The following OC90 variants were observed in gnomAD, a reference collection of about 807,000 sequenced individuals.
The protein encoded by OC90 is otoconin-90.
In OC90, 46 loss-of-function variants were observed where a neutral mutation model predicts 47.3. The observed-to-expected ratio is 0.97, with a 90% confidence interval of 0.77 to 1.24. OC90 has a LOEUF of 1.24. Among genes scored for constraint, OC90 ranks in the 50% most tolerant of loss-of-function variants. The pLI is 0.00. For missense variants in OC90, 688 were observed against 583.9 expected, an observed-to-expected ratio of 1.18 and a Z score of -1.84; for synonymous variants, 271 against 219.5, an observed-to-expected ratio of 1.23 and a Z score of -2.07.
Position 132,026,527 on chromosome 8 carries a change from C to T in OC90, c.1139-1751G>A, listed in dbSNP as rs117205371. ...CCCAGAGCCACTCTGTCCTTCCTCC[C>T]TGCATTTGTCTTATGATAGCACAGG... On this transcript the variant is annotated intron_variant, in intron 13 of 13. Coordinates refer to ENST00000254627, the MANE Select transcript of OC90 (RefSeq NM_001080399.3). 2.6e-5 allele frequency among the ~76,000 whole-genome samples: 4 copies of T among 152,310 alleles called. No homozygotes were observed. In the East Asian group the frequency reaches 7.7e-4, roughly 29 times the overall value.
rs183253721 is a variant in OC90 at position 132,037,818 on chromosome 8, G to A, written c.629-330C>T. On this transcript the variant is annotated intron_variant, in intron 8 of 13. Coordinates refer to ENST00000254627, the MANE Select transcript of OC90 (RefSeq NM_001080399.3). ...AGACCTCTGTTCCAAAGGGAGGCAG[G>A]GGGTGTTGAGGATAAAAACAGTGCT... Among the ~76,000 whole-genome samples the A allele has an allele frequency of 7.2e-5, 11 of 152,290 alleles. No homozygotes were observed. In the East Asian group the frequency reaches 1.7e-3, roughly 24 times the overall value.
At chr8:132,036,025 AC>A (rs1822954478) in intron 9 of OC90, among the ~76,000 whole-genome samples, 1 of 152,240 alleles carries the variant, frequency 6.6e-6, no homozygotes, top group South Asian at 2.1e-4. Context: ...ATAGTTATTT[AC>A]AAAAGCAGAG....
At chr8:132,033,737 C>T (rs887104629) in intron 10 of OC90, among the ~76,000 whole-genome samples, 1 of 152,202 alleles carries the variant, frequency 6.6e-6, no homozygotes, top group African/African-American at 2.4e-5. Context: ...CTCTCTGGAT[C>T]TCCCTTTGCT....
intron 4 of OC90, among the ~76,000 whole-genome samples, chr8:132,043,235 A>G (rs1823079296): frequency 6.6e-6 from 1 of 152,226 alleles, no homozygotes; most frequent in South Asian, 2.1e-4. Context: ...ACAGTAATTC[A>G]GCCTGGCGGA....
At position 132,036,470 on chromosome 8, in the gene OC90, G is replaced by A. The variant is rs28408507; in HGVS notation, c.679+968C>T. 5.1e-3 allele frequency: 3,998 copies of A among 778,512 alleles called. 96 individuals are homozygous for A. In the African/African-American group the frequency reaches 0.056, roughly 11 times the overall value. The allele number at this position is 778,512 out of a possible 1,614,324, so 48.2% of individuals were successfully genotyped here. On this transcript the variant is annotated intron_variant, in intron 9 of 13. Transcript: ENST00000254627. ...ATGATCAGTTCAGCTAGGTGCCAAAGCCAAACAGGGGAAACAGATTTGGGG... is the reference window on the plus strand; with the variant it reads ...ATGATCAGTTCAGCTAGGTGCCAAAACCAAACAGGGGAAACAGATTTGGGG...
intron 13 of OC90, among the ~76,000 whole-genome samples, chr8:132,028,158 CA>C (rs1822785874): frequency 6.6e-6 from 1 of 152,142 alleles, no homozygotes. Flanking sequence ...ACCCCCTTGA[CA>C]GTGAATCTCC....
chr8:132,046,391 T>C (rs1823134158), intron 2 of OC90, among the ~76,000 whole-genome samples: 1 of 152,236 alleles, frequency 6.6e-6, no homozygotes, highest in Non-Finnish European at 1.5e-5. Context: ...CAGTCTGGAC[T>C]GGGACTCAGA....
chr8:132,038,979 G>A lies in OC90; in HGVS notation c.586+16C>T. On this transcript the variant is annotated intron_variant, in intron 7 of 13. Transcript: ENST00000254627. ...GATCCTCAGCCCCACGGCTGATGCA[G>A]CCAGGTTCTTCCTACCTGGAGTCTG... 6.2e-7 allele frequency: 1 copy of A among 1,613,926 alleles called. No homozygotes were observed. Among genetic ancestry groups the A allele is most frequent in the Non-Finnish European group, 8.5e-7 (1 of 1,179,814 alleles).
intron 8 of OC90, among the ~76,000 whole-genome samples, chr8:132,038,011 C>G (rs1822994524): frequency 6.6e-6 from 1 of 152,146 alleles, no homozygotes; most frequent in Non-Finnish European, 1.5e-5. Context: ...TTAACAAACA[C>G]CAAACACTGC....
intron 13 of OC90, among the ~76,000 whole-genome samples, chr8:132,026,346 C>G (rs568041933): frequency 6.6e-6 from 1 of 152,270 alleles, no homozygotes; most frequent in Non-Finnish European, 1.5e-5. Flanking sequence ...CAGATTTTTT[C>G]CTATCATATA....
Position 132,024,339 on chromosome 8 carries a change from G to A in OC90, c.*142C>T. 1.5e-6 allele frequency: 1 copy of A among 661,052 alleles called. No homozygotes were observed. Among genetic ancestry groups the A allele is most frequent in the Non-Finnish European group, 2.5e-6 (1 of 401,792 alleles). The allele number at this position is 661,052 out of a possible 1,614,324, so 40.9% of individuals were successfully genotyped here. A position where few individuals can be genotyped will look rare whatever the true frequency, so the allele number is the denominator to read the frequency against. ...CCACAGCTGATGAGGCATGGGCAGG[G>A]CTCACGGCCTCTGTTCCCTCCCCGC... On this transcript the variant is annotated 3_prime_UTR_variant, in exon 14 of 14. Coordinates refer to ENST00000254627, the MANE Select transcript of OC90 (RefSeq NM_001080399.3).
chr8:132,049,994 C>T (rs886806204), intron 2 of OC90: 2 of 377,222 alleles, frequency 5.3e-6, no homozygotes, highest in African/African-American at 2.0e-5. Flanking sequence ...TAAAATATGA[C>T]TGCATTATAA....
At chr8:132,037,914 G>T (rs1015834092) in intron 8 of OC90, among the ~76,000 whole-genome samples, 2 of 152,064 alleles carry the variant, frequency 1.3e-5, no homozygotes, top group South Asian at 4.1e-4. Flanking sequence ...TCACGCTCAC[G>T]CTCATGTACA....
intron 9 of OC90, 72 bp downstream of exon 9, chr8:132,037,366 T>A: frequency 7.8e-7 from 1 of 1,273,986 alleles, no homozygotes. Context: ...GATCTGGTTG[T>A]TTAAACGTGT....
At chr8:132,037,007 C>A (rs1822975249) in intron 9 of OC90, among the ~76,000 whole-genome samples, 1 of 152,228 alleles carries the variant, frequency 6.6e-6, no homozygotes, top group Non-Finnish European at 1.5e-5. Flanking sequence ...TAGGTGTAAT[C>A]ATCCCCTTTC....
chr8:132,045,965 C>A, intron 2 of OC90, 82 bp from the exon 3 acceptor site: 1 of 766,832 alleles, frequency 1.3e-6, no homozygotes, highest in Non-Finnish European at 2.3e-6. Context: ...AGGCGACAGC[C>A]AGACAAACAA....
intron 9 of OC90, chr8:132,036,410 C>T (rs1165185601): frequency 1.3e-6 from 1 of 780,708 alleles, no homozygotes; most frequent in Non-Finnish European, 2.4e-6. Flanking sequence ...GCCTCAGTCT[C>T]TGCAGCCACT....
At chr8:132,058,014 T>C (rs1823298112) in intron 1 of OC90, among the ~76,000 whole-genome samples, 2 of 152,236 alleles carry the variant, frequency 1.3e-5, no homozygotes, top group African/African-American at 4.8e-5. Flanking sequence ...TGCGTAACTG[T>C]CACAATTATC....
chr8:132,034,150 G>A (rs969744480), intron 10 of OC90, among the ~76,000 whole-genome samples: 1 of 152,222 alleles, frequency 6.6e-6, no homozygotes, highest in Non-Finnish European at 1.5e-5. Context: ...CCTAGTCAGT[G>A]TAATAGAGTA....
Sources: allele counts gnomAD v4.1 joint callset (sites outside exome capture counted in the v4.1 genomes callset), GRCh38; gene constraint gnomAD v4.1.1; transcripts MANE v1.5; gene names NCBI Gene and HGNC (gene_info 2026-07-23, HGNC 2026-07-21).